Variants in SLC7A8 observed in about 807,000 individuals in gnomAD.
SLC7A8 encodes the protein large neutral amino acids transporter small subunit 2.
A neutral mutation model predicts 51.2 loss-of-function variants in SLC7A8; 30 were observed. The observed-to-expected ratio is 0.59, with a 90% CI of 0.44 to 0.80. The LOEUF (loss-of-function observed/expected upper bound fraction) is 0.80, where lower values mean the gene tolerates loss of function less well. Ranked by LOEUF, SLC7A8 falls within the 30% of genes least tolerant of loss-of-function variation. SLC7A8 has a pLI of 0.00. For synonymous variants in SLC7A8, 257 were observed against 275.8 expected (o/e 0.93, Z 0.67); for missense variants, 612 against 674.4 (o/e 0.91, Z 1.03).
chr14:23,140,646 G>GGCC, intron 4 of SLC7A8, 22 bp from the exon 5 acceptor site: 1 of 1,599,358 alleles, frequency 6.3e-7, no homozygotes, highest in Non-Finnish European at 8.6e-7. Flanking sequence ...AGCAACAGGA[G>GGCC]GCCGCTCAGT....
chr14:23,127,111 A>G lies in SLC7A8; in HGVS notation c.*66T>C, dbSNP rs761874. 892,115 of 1,589,002 alleles carry G rather than the reference A, an allele frequency of 0.56. 253,964 individuals are homozygous for G. The highest frequency in any genetic ancestry group is 0.74 in the East Asian group (32,723 of 44,454). On this transcript the variant is annotated 3_prime_UTR_variant, in exon 11 of 11. Coordinates refer to ENST00000316902, the MANE Select transcript of SLC7A8 (RefSeq NM_012244.4). ...TGTGTGTGTACTCGCATGTGTTGGCAGGACCAAGGCAGGGAGGTAGGATAA... is the reference window on the plus strand; with the variant it reads ...TGTGTGTGTACTCGCATGTGTTGGCGGGACCAAGGCAGGGAGGTAGGATAA...
intron 5 of SLC7A8, among the ~76,000 whole-genome samples, chr14:23,140,111 C>A (rs759556386): frequency 6.6e-6 from 1 of 152,220 alleles, no homozygotes; most frequent in South Asian, 2.1e-4. Flanking sequence ...CCTGAATCTC[C>A]ACAATGCACC....
At chr14:23,169,736 T>G (rs947445312) in intron 1 of SLC7A8, among the ~76,000 whole-genome samples, 1 of 152,178 alleles carries the variant, frequency 6.6e-6, no homozygotes, top group Non-Finnish European at 1.5e-5. Flanking sequence ...GGGAAGAAAG[T>G]AGGACAATTA....
At chr14:23,182,568 C>T (rs116170921) in intron 1 of SLC7A8, among the ~76,000 whole-genome samples, 196 bp downstream of exon 1, 201 of 152,270 alleles carry the variant, frequency 1.3e-3, no homozygotes, top group African/African-American at 4.8e-3. Context: ...GAATCTTTGC[C>T]TGGTTTGGAG....
At chr14:23,160,180 G>A (rs1429884756) in intron 3 of SLC7A8, among the ~76,000 whole-genome samples, 3 of 152,168 alleles carry the variant, frequency 2.0e-5, no homozygotes, top group African/African-American at 7.2e-5. Context: ...GGGAAAGGGT[G>A]TCCCCTGGAC....
At chr14:23,136,879 C>G (rs918047423) in intron 7 of SLC7A8, among the ~76,000 whole-genome samples, 2 of 152,222 alleles carry the variant, frequency 1.3e-5, no homozygotes. Flanking sequence ...AACATGCACA[C>G]GAGGTTGCTG....
intron 1 of SLC7A8, among the ~76,000 whole-genome samples, chr14:23,168,973 T>C (rs1233498159): frequency 6.6e-6 from 1 of 152,162 alleles, no homozygotes; most frequent in African/African-American, 2.4e-5. Flanking sequence ...AGGGTCACAG[T>C]AGATCGGCAT....
At chr14:23,142,999 C>T in intron 4 of SLC7A8, 80 bp downstream of exon 4, 1 of 1,552,844 alleles carries the variant, frequency 6.4e-7, no homozygotes, top group Non-Finnish European at 8.8e-7. Flanking sequence ...GTGTGGCATA[C>T]TTCCAAAGCT....
In SLC7A8 at chr14:23,161,610, G is replaced by GTGGGTGGC. The variant is rs1566370357; in HGVS notation, c.508+3674_508+3675insGCCACCCA. On this transcript the variant is annotated intron_variant, in intron 3 of 10. Transcript: ENST00000316902. The stretch of plus-strand genomic sequence containing the variant: ...ATGGTGGGGGTAGGTGGGTGGGTGG[G>GTGGGTGGC]AGGGGTGCTGGAATAAAAAGTACCA... Among the ~76,000 whole-genome samples the GTGGGTGGC allele has an allele frequency of 3.0e-3, 339 of 114,362 alleles. 5 individuals carry two copies. The highest frequency in any genetic ancestry group is 0.011 in the African/African-American group (320 of 28,278). The allele number at this position is 114,362 out of a possible 152,430, so 75.0% of individuals were successfully genotyped here.
chr14:23,180,507 T>G (rs574046560), intron 1 of SLC7A8, among the ~76,000 whole-genome samples: 31 of 152,302 alleles, frequency 2.0e-4, no homozygotes, highest in Admixed American at 2.0e-3. Flanking sequence ...CTACAAGGAT[T>G]CTCATGTTTT....
chr14:23,164,763 G>A (rs964527424), intron 3 of SLC7A8, among the ~76,000 whole-genome samples: 7 of 152,070 alleles, frequency 4.6e-5, no homozygotes, highest in African/African-American at 1.2e-4. Context: ...AGGCCAAGGC[G>A]GGCGGATCAC....
chr14:23,155,237 C>G (rs1030222826), intron 3 of SLC7A8: 2 of 1,536,000 alleles, frequency 1.3e-6, no homozygotes, highest in Non-Finnish European at 8.7e-7. Flanking sequence ...GGGCCTCTCT[C>G]TTCCAAGGAC....
chr14:23,158,500 C>T (rs929240768), intron 3 of SLC7A8, among the ~76,000 whole-genome samples: 16 of 152,080 alleles, frequency 1.1e-4, no homozygotes, highest in Admixed American at 1.0e-3. Flanking sequence ...CCCCCGCCAC[C>T]ACGCCCAGCT....
At chr14:23,131,999 AT>A (rs1201371313) in intron 7 of SLC7A8, among the ~76,000 whole-genome samples, 29,354 of 98,080 alleles carry the variant, frequency 0.3, 2,720 homozygotes, top group East Asian at 0.46. Context: ...AAAACACTCT[AT>A]TTTTTTTTTT....
chr14:23,162,163 G>A (rs59358210), intron 3 of SLC7A8, among the ~76,000 whole-genome samples: 13,927 of 152,036 alleles, frequency 0.092, 791 homozygotes, highest in South Asian at 0.2. Context: ...CAGGTATAAG[G>A]AAAGGGAGAG....
intron 7 of SLC7A8, among the ~76,000 whole-genome samples, chr14:23,136,460 C>T (rs547784444): frequency 4.6e-5 from 7 of 152,206 alleles, no homozygotes; most frequent in South Asian, 4.1e-4. Context: ...TAGCCGATAA[C>T]GGAGGAGACG....
intron 3 of SLC7A8, among the ~76,000 whole-genome samples, chr14:23,157,943 T>C (rs1390704808): frequency 6.6e-6 from 1 of 152,206 alleles, no homozygotes; most frequent in African/African-American, 2.4e-5. Context: ...AGTATCCCCA[T>C]GCCTGCCACA....
chr14:23,176,798 T>G (rs1488357817), intron 1 of SLC7A8, among the ~76,000 whole-genome samples: 13 of 151,860 alleles, frequency 8.6e-5, no homozygotes, highest in Admixed American at 6.6e-4. Flanking sequence ...AAAAATTAGC[T>G]GAGCGTGGTA....
At chr14:23,174,778 G>T (rs2048991325) in intron 1 of SLC7A8, among the ~76,000 whole-genome samples, 1 of 152,216 alleles carries the variant, frequency 6.6e-6, no homozygotes, top group African/African-American at 2.4e-5. Context: ...GGATCTGGGG[G>T]CCTGCTCTGT....
Sources: gnomAD v4.1 joint callset for allele counts (sites outside exome capture counted in the v4.1 genomes callset) on GRCh38, gnomAD v4.1.1 for gene constraint, MANE v1.5 for transcripts, NCBI Gene and HGNC (gene_info 2026-07-23, HGNC 2026-07-21) for gene names.